Variants in HECW1 observed in about 807,000 individuals in gnomAD.
The protein encoded by HECW1 is E3 ubiquitin-protein ligase HECW1.
In HECW1, 61 loss-of-function variants were observed where a neutral mutation model predicts 182.3. That is an observed-to-expected ratio of 0.33 (90% CI 0.27 to 0.41). The LOEUF is 0.41. Among genes scored for constraint, HECW1 ranks in the 10% least tolerant of loss-of-function variants. The probability of loss-of-function intolerance (pLI) is 1.00; values close to 1 mark genes in which losing one functional copy is unlikely to be tolerated. For missense variants in HECW1, 1,739 were observed against 2,108.9 expected, an observed-to-expected ratio of 0.82 and a Z score of 3.44; for synonymous variants, 859 against 832.6, an observed-to-expected ratio of 1.03 and a Z score of -0.55.
At chr7:43,372,517 G>A (rs1278759445) in intron 6 of HECW1, among the ~76,000 whole-genome samples, 1 of 151,436 alleles carries the variant, frequency 6.6e-6, no homozygotes. Flanking sequence ...ATCCCTCCCC[G>A]CTCCCCACTG....
chr7:43,429,174 T>C (rs956551395), intron 8 of HECW1, among the ~76,000 whole-genome samples: 17 of 149,738 alleles, frequency 1.1e-4, no homozygotes, highest in Non-Finnish European at 2.2e-4. Context: ...TTATTCTGTT[T>C]TGTGGCTGAG....
chr7:43,200,780 G>A (rs1794954061), intron 2 of HECW1, among the ~76,000 whole-genome samples: 1 of 152,116 alleles, frequency 6.6e-6, no homozygotes, highest in South Asian at 2.1e-4. Flanking sequence ...CCTCCCTGTT[G>A]GATAGTAAGT....
chr7:43,316,313 C>A (rs1809243020), intron 4 of HECW1, among the ~76,000 whole-genome samples: 1 of 152,132 alleles, frequency 6.6e-6, no homozygotes, highest in African/African-American at 2.4e-5. Flanking sequence ...ATGACAAAAT[C>A]TTGAACAGTA....
chr7:43,396,771 CA>C, intron 6 of HECW1, 42 bp from the exon 7 acceptor site: 1 of 1,289,774 alleles, frequency 7.8e-7, no homozygotes, highest in South Asian at 1.2e-5. Context: ...ATATCCATTT[CA>C]GTGCTTGTTT....
intron 21 of HECW1, among the ~76,000 whole-genome samples, chr7:43,506,739 T>C (rs1217932927): frequency 1.3e-5 from 2 of 152,168 alleles, no homozygotes. Context: ...CTGGCCAATG[T>C]AGTGAAAGCT....
chr7:43,231,634 A>T (rs1374026627), intron 2 of HECW1, among the ~76,000 whole-genome samples: 2 of 152,088 alleles, frequency 1.3e-5, no homozygotes, highest in Non-Finnish European at 2.9e-5. Context: ...GTGGGCTTAT[A>T]CCAGTAACAT....
intron 6 of HECW1, among the ~76,000 whole-genome samples, chr7:43,370,769 C>T (rs1020279958): frequency 6.6e-6 from 1 of 151,992 alleles, no homozygotes; most frequent in African/African-American, 2.4e-5. Flanking sequence ...CATAATTTCA[C>T]AATTCATCTA....
At chr7:43,374,066 A>G (rs912432066) in intron 6 of HECW1, among the ~76,000 whole-genome samples, 2 of 152,208 alleles carry the variant, frequency 1.3e-5, no homozygotes, top group South Asian at 2.1e-4. Context: ...GTTGCTTGAT[A>G]TAGGTATTTC....
intron 17 of HECW1, among the ~76,000 whole-genome samples, chr7:43,487,961 A>G (rs1466594722): frequency 7.6e-6 from 1 of 131,046 alleles, no homozygotes; most frequent in Non-Finnish European, 1.8e-5. Flanking sequence ...TCAAAAAAAA[A>G]GGAAGAGAGA....
chr7:43,381,027 G>T (rs2074529489), intron 6 of HECW1, among the ~76,000 whole-genome samples: 1 of 152,148 alleles, frequency 6.6e-6, no homozygotes, highest in South Asian at 2.1e-4. Flanking sequence ...ATTTTTAGTT[G>T]TGAAAGGGTA....
chr7:43,368,155 C>T (rs537769337), intron 6 of HECW1, among the ~76,000 whole-genome samples: 199 of 152,298 alleles, frequency 1.3e-3, no homozygotes, highest in Middle Eastern at 6.8e-3. Context: ...CTCATCAAGC[C>T]ACCTGCCTAA....
intron 2 of HECW1, among the ~76,000 whole-genome samples, chr7:43,195,870 G>A (rs970363391): frequency 6.6e-6 from 1 of 152,114 alleles, no homozygotes; most frequent in Admixed American, 6.5e-5. Flanking sequence ...CAGAACTGTG[G>A]TGCCACCCAT....
chr7:43,479,026 A>G (rs1030630184), intron 16 of HECW1, among the ~76,000 whole-genome samples: 2 of 152,194 alleles, frequency 1.3e-5, no homozygotes, highest in African/African-American at 2.4e-5. Context: ...CCTTTCTGAC[A>G]CCAGGGACCA....
intron 24 of HECW1, among the ~76,000 whole-genome samples, chr7:43,537,678 A>C (rs2081225104): frequency 1.3e-5 from 2 of 152,234 alleles, no homozygotes; most frequent in Admixed American, 1.3e-4. Flanking sequence ...CCCAGATCAT[A>C]GTTCATGGCT....
intron 19 of HECW1, 127 bp downstream of exon 19, chr7:43,493,307 TTGAATCCTCAAG>T: frequency 1.7e-6 from 1 of 598,852 alleles, no homozygotes; most frequent in Non-Finnish European, 2.9e-6. Context: ...AAATGAGAAC[TTGAATCCTCAAG>T]ATGAAGGGTT....
intron 6 of HECW1, chr7:43,377,989 A>T (rs2074394064): frequency 5.6e-6 from 1 of 179,882 alleles, no homozygotes; most frequent in Non-Finnish European, 1.2e-5. Context: ...GGTACAATGT[A>T]GTTATACATC....
At chr7:43,175,685 A>C (rs1792157806) in intron 2 of HECW1, among the ~76,000 whole-genome samples, 1 of 152,212 alleles carries the variant, frequency 6.6e-6, no homozygotes, top group Non-Finnish European at 1.5e-5. Flanking sequence ...CGTGGATGTA[A>C]GATGAAGTGT....
chr7:43,494,025 T>C (rs993829627), intron 19 of HECW1, among the ~76,000 whole-genome samples: 20 of 152,172 alleles, frequency 1.3e-4, no homozygotes, highest in African/African-American at 4.6e-4. Context: ...TGGTGCAGTC[T>C]TGTGAATGGG....
chr7:43,400,725 T>C (rs1037555421), intron 7 of HECW1, among the ~76,000 whole-genome samples: 1 of 152,234 alleles, frequency 6.6e-6, no homozygotes, highest in African/African-American at 2.4e-5. Context: ...ATTTGCTTTC[T>C]CTTGCTGCTA....
Sources: gnomAD v4.1 joint callset for allele counts (sites outside exome capture counted in the v4.1 genomes callset) on GRCh38, gnomAD v4.1.1 for gene constraint, MANE v1.5 for transcripts, NCBI Gene and HGNC (gene_info 2026-07-23, HGNC 2026-07-21) for gene names.